Variants in ZDHHC3 observed in about 807,000 individuals in gnomAD.
ZDHHC3 encodes palmitoyltransferase ZDHHC3.
In ZDHHC3, 9 loss-of-function variants were observed where a neutral mutation model predicts 30.6. The ratio of observed to expected loss-of-function variants is 0.29; its 90% CI spans 0.18 to 0.51. The LOEUF is 0.51. Ranked by LOEUF, ZDHHC3 falls within the 20% of genes least tolerant of loss-of-function variation. The probability of loss-of-function intolerance (pLI) is 0.97; values close to 1 mark genes in which losing one functional copy is unlikely to be tolerated. For synonymous variants in ZDHHC3, 136 were observed against 140.2 expected (o/e 0.97, Z 0.21); for missense variants, 246 against 384.2 (o/e 0.64, Z 3.01).
rs140195587 is a variant in ZDHHC3, at chr3:44,918,133, C to T, written c.*8556G>A. On this transcript the variant is annotated 3_prime_UTR_variant, in exon 7 of 7. Transcript: ENST00000424952. ...CCTGGGCTGGTTCTTTCGTTTGAGGCGCTCGATGCCCTGCAGGGAGAAGGG... is the reference window on the plus strand; with the variant it reads ...CCTGGGCTGGTTCTTTCGTTTGAGGTGCTCGATGCCCTGCAGGGAGAAGGG... The T allele has an allele frequency of 5.3e-5, 69 of 1,304,436 alleles. No homozygotes were observed. The highest frequency in any genetic ancestry group is 3.0e-4 in the South Asian group (24 of 81,000). The allele number at this position is 1,304,436 out of a possible 1,614,324, so 80.8% of individuals were successfully genotyped here. A position where few individuals can be genotyped will look rare whatever the true frequency, so the allele number is the denominator to read the frequency against.
chr3:44,956,295 C>T (rs887374209), intron 2 of ZDHHC3, among the ~76,000 whole-genome samples: 7 of 152,194 alleles, frequency 4.6e-5, no homozygotes, highest in Non-Finnish European at 1.0e-4. Flanking sequence ...TCCATCAGCT[C>T]CAGACTGACT....
At chr3:44,975,684 G>A (rs1476974769) in intron 1 of ZDHHC3, among the ~76,000 whole-genome samples, 2 of 151,704 alleles carry the variant, frequency 1.3e-5, no homozygotes, top group Admixed American at 6.6e-5. Flanking sequence ...AGAAATGGAG[G>A]GGAGAAGAGC....
At chr3:44,962,528 G>GAAGGAAGGAAGGAAGGAAGA (rs1704570576) in intron 1 of ZDHHC3, among the ~76,000 whole-genome samples, 2 of 150,898 alleles carry the variant, frequency 1.3e-5, no homozygotes, top group South Asian at 4.2e-4. Flanking sequence ...AGGAAGGAAG[G>GAAGGAAGGAAGGAAGGAAGA]AAGGAAGGAA....
At chr3:44,962,163 T>TA (rs1704534967) in intron 1 of ZDHHC3, among the ~76,000 whole-genome samples, 1 of 152,130 alleles carries the variant, frequency 6.6e-6, no homozygotes, top group African/African-American at 2.4e-5. Flanking sequence ...CTGTTTTTTT[T>TA]ATCATAAATG....
intron 1 of ZDHHC3, chr3:44,969,898 G>GA (rs1034297074): frequency 1.3e-5 from 2 of 151,926 alleles, no homozygotes; most frequent in African/African-American, 4.8e-5. Flanking sequence ...CTTTTTGTGA[G>GA]AAAAAACGCC....
At chr3:44,953,468 G>T (rs1236524513) in intron 2 of ZDHHC3, among the ~76,000 whole-genome samples, 2 of 152,202 alleles carry the variant, frequency 1.3e-5, no homozygotes, top group African/African-American at 4.8e-5. Context: ...AAGTAGTGGA[G>T]ACAGGTTCTA....
rs1008175903 is a variant in ZDHHC3, at chr3:44,933,107, C to G, written c.610+11G>C. 6 of 1,614,134 alleles carry G rather than the reference C, an allele frequency of 3.7e-6. No homozygotes were observed. Among genetic ancestry groups the G allele is most frequent in the Non-Finnish European group, 5.1e-6 (6 of 1,179,976 alleles). ...CCTGGAGCAGGGAGGAAAGCCTCAG[C>G]ACATACTCACTTGTCCAATCTTCTT... On this transcript the variant is annotated intron_variant, in intron 5 of 6. Transcript: ENST00000424952.
At position 44,929,430 on chromosome 3, in the gene ZDHHC3, C is replaced by A. The variant is rs367543249; in HGVS notation, c.617G>T (p.Ser206Ile). 1 of 1,613,938 alleles carries A rather than the reference C, an allele frequency of 6.2e-7. No individual in the cohort carries two copies. The highest frequency in any genetic ancestry group is 8.5e-7 in the Non-Finnish European group (1 of 1,179,924). Residue 206 changes from serine to isoleucine, a missense_variant, in exon 6 of 7, where the codon AGC becomes ATC. Ser to Ile is a moderately radical substitution (Grantham distance 142). Coordinates refer to ENST00000424952, the MANE Select transcript of ZDHHC3 (RefSeq NM_001135179.2). ...HCFEEDWTKC[S>I]SFSPPTTVIL... The stretch of plus-strand genomic sequence containing the variant: ...CACTGTGGTGGGTGGAGAGAAGGAG[C>A]TGCACTCTGAAAGAGAAGCAGCACA...
At chr3:44,963,712 C>G (rs903026163) in intron 1 of ZDHHC3, among the ~76,000 whole-genome samples, 1 of 152,208 alleles carries the variant, frequency 6.6e-6, no homozygotes, top group Non-Finnish European at 1.5e-5. Flanking sequence ...ACTGGTTACT[C>G]AGGCTTCTGG....
At chr3:44,944,489 C>T (rs542342103) in intron 3 of ZDHHC3, among the ~76,000 whole-genome samples, 7 of 152,276 alleles carry the variant, frequency 4.6e-5, no homozygotes, top group Non-Finnish European at 8.8e-5. Context: ...CGCTTTGTTG[C>T]CCAGGCTGGT....
rs1355996650 is a variant in ZDHHC3 at position 44,924,974 on chromosome 3, CAAAGG to C, written c.*1710_*1714del. ...AGGAATTGATTCAGGCTGCAGAAAG[CAAAGG>C]AAAGAGGCCTGGTGGGGCAAGCTGG... On this transcript the variant is annotated 3_prime_UTR_variant, in exon 7 of 7. Transcript: ENST00000424952. The C allele has an allele frequency of 1.0e-6, 1 of 985,360 alleles. No homozygotes were observed. The highest frequency in any genetic ancestry group is 1.2e-6 in the Non-Finnish European group (1 of 829,926). 61.0% of individuals were successfully genotyped at this position (985,360 alleles called of 1,614,324 possible).
In ZDHHC3 at chr3:44,917,868, T is replaced by C. The variant is rs1700292774; in HGVS notation, c.*8821A>G. 7.7e-7 allele frequency: 1 copy of C among 1,293,884 alleles called. No homozygotes were observed. Among genetic ancestry groups the C allele is most frequent in the Non-Finnish European group, 1.0e-6 (1 of 987,068 alleles). The allele number at this position is 1,293,884 out of a possible 1,614,324, so 80.2% of individuals were successfully genotyped here. A position where few individuals can be genotyped will look rare whatever the true frequency, so the allele number is the denominator to read the frequency against. On this transcript the variant is annotated 3_prime_UTR_variant, in exon 7 of 7. Transcript: ENST00000424952. ...GATGAAGGTTGACAGCACTTTTTAG[T>C]GTTTGCTTCTCTCCCCACAGCAGCA...
chr3:44,971,593 G>A (rs1705408439), intron 1 of ZDHHC3, among the ~76,000 whole-genome samples: 1 of 152,162 alleles, frequency 6.6e-6, no homozygotes, highest in Admixed American at 6.5e-5. Context: ...TACTTTCCAT[G>A]GCTATCAGGG....
chr3:44,963,414 C>G (rs760366277), intron 1 of ZDHHC3, among the ~76,000 whole-genome samples: 9 of 151,990 alleles, frequency 5.9e-5, no homozygotes, highest in Non-Finnish European at 1.2e-4. Context: ...GTTGCTTAAC[C>G]CCCAGACCTC....
intron 2 of ZDHHC3, among the ~76,000 whole-genome samples, chr3:44,946,307 AT>A (rs1460383921): frequency 6.6e-6 from 1 of 152,332 alleles, no homozygotes; most frequent in South Asian, 2.1e-4. Context: ...TTTAGAGCCA[AT>A]GGCAGAGCCA....
chr3:44,943,468 C>G (rs1702624830), intron 3 of ZDHHC3, among the ~76,000 whole-genome samples: 1 of 152,096 alleles, frequency 6.6e-6, no homozygotes, highest in Non-Finnish European at 1.5e-5. Context: ...TACTGGGGAG[C>G]TGACTCCGGA....
chr3:44,972,628 T>G (rs1343031554), intron 1 of ZDHHC3, among the ~76,000 whole-genome samples: 1 of 152,194 alleles, frequency 6.6e-6, no homozygotes, highest in Non-Finnish European at 1.5e-5. Flanking sequence ...CTCTTTACCT[T>G]TTGTATTTGA....
rs73829696 is a variant in ZDHHC3 at position 44,948,539 on chromosome 3, C to T, written c.307-3247G>A. Among the ~76,000 whole-genome samples, 409 of 152,334 alleles carry T rather than the reference C, an allele frequency of 2.7e-3. 2 individuals are homozygous for T. The highest frequency in any genetic ancestry group is 9.5e-3 in the African/African-American group (393 of 41,582). On this transcript the variant is annotated intron_variant, in intron 2 of 6. Coordinates refer to ENST00000424952, the MANE Select transcript of ZDHHC3 (RefSeq NM_001135179.2). ...AAAGAAGCGATGGGAGCCCAGGCCT[C>T]ATACAGCTGGTGGGTGGACAGGTGC...
At chr3:44,948,790 T>C (rs1316480974) in intron 2 of ZDHHC3, among the ~76,000 whole-genome samples, 1 of 152,238 alleles carries the variant, frequency 6.6e-6, no homozygotes, top group Non-Finnish European at 1.5e-5. Flanking sequence ...ACATGACTCT[T>C]TGCTGGGCCC....
Sources: allele counts gnomAD v4.1 joint callset (sites outside exome capture counted in the v4.1 genomes callset), GRCh38; gene constraint gnomAD v4.1.1; transcripts MANE v1.5; gene names NCBI Gene and HGNC (gene_info 2026-07-23, HGNC 2026-07-21).